The following DZIP1 variants were observed in gnomAD, a reference collection of about 807,000 sequenced individuals.
DZIP1 encodes DAZ interacting zinc finger protein 1, also known as cilium assembly protein DZIP1.
In DZIP1, 97 loss-of-function variants were observed where a neutral mutation model predicts 107.6. That is an observed-to-expected ratio of 0.90 (90% CI 0.77 to 1.07). The LOEUF is 1.07. Ranked by LOEUF, DZIP1 falls within the 50% of genes least tolerant of loss-of-function variation. The pLI is 0.00. For missense variants in DZIP1, 1,035 were observed against 1,063.6 expected, an observed-to-expected ratio of 0.97 and a Z score of 0.37; for synonymous variants, 390 against 386.4, an observed-to-expected ratio of 1.01 and a Z score of -0.11.
At chr13:95,623,465 A>G (rs572979651) in intron 8 of DZIP1, among the ~76,000 whole-genome samples, 1 of 152,348 alleles carries the variant, frequency 6.6e-6, no homozygotes, top group African/African-American at 2.4e-5. Context: ...GCAGATTCGT[A>G]ACACAAAGTC....
intron 16 of DZIP1, among the ~76,000 whole-genome samples, chr13:95,592,604 T>C (rs1162837790): frequency 1.3e-5 from 2 of 152,174 alleles, no homozygotes. Flanking sequence ...AACATATGCC[T>C]ACCCTTTGAC....
chr13:95,604,297 C>T (rs1025251755), intron 14 of DZIP1, among the ~76,000 whole-genome samples: 6 of 152,228 alleles, frequency 3.9e-5, no homozygotes, highest in Admixed American at 1.3e-4. Flanking sequence ...AGTGAACAGG[C>T]GAATAAACAT....
At chr13:95,625,111 C>G (rs184626367) in intron 7 of DZIP1, among the ~76,000 whole-genome samples, 182 bp from the exon 8 acceptor site, 83 of 152,324 alleles carry the variant, frequency 5.4e-4, no homozygotes, top group Non-Finnish European at 8.2e-4. Flanking sequence ...AAACTAAAGG[C>G]AGCACACAGA....
At chr13:95,613,033 G>A (rs1375121886) in intron 10 of DZIP1, among the ~76,000 whole-genome samples, 2 of 151,926 alleles carry the variant, frequency 1.3e-5, no homozygotes, top group African/African-American at 2.4e-5. Flanking sequence ...GGAAAGAAAG[G>A]GAGAGATGCA....
rs1015835089 is a variant in DZIP1 at position 95,626,716 on chromosome 13, T to C, written c.811-1787A>G. On this transcript the variant is annotated intron_variant, in intron 7 of 22. Transcript: ENST00000376829. ...AACATGCAAAAAGCAGCTATATTTC[T>C]ATATACCAGCAATGAACAATCCAAG... Among the ~76,000 whole-genome samples the C allele has an allele frequency of 2.0e-5, 3 of 152,228 alleles. No individual in the cohort carries two copies. In the East Asian group the frequency reaches 5.8e-4, roughly 29 times the overall value.
intron 16 of DZIP1, among the ~76,000 whole-genome samples, 193 bp from the exon 17 acceptor site, chr13:95,590,634 T>G (rs931701939): frequency 6.6e-6 from 1 of 152,208 alleles, no homozygotes; most frequent in Non-Finnish European, 1.5e-5. Context: ...ACATAAGGCA[T>G]GCATATGTTT....
chr13:95,599,519 G>T lies in DZIP1; in HGVS notation c.1478-95C>A, dbSNP rs575856184. ...TGATTTTGAAAGATATCATTCCATG[G>T]TATTTTAGTCATGCCTGAATAGCAA... On this transcript the variant is annotated intron_variant, in intron 14 of 22. Transcript: ENST00000376829. 1.1e-5 allele frequency: 12 copies of T among 1,138,236 alleles called. No individual in the cohort carries two copies. The South Asian group carries it at 1.4e-4, about 14-fold the overall frequency. 70.5% of individuals were successfully genotyped at this position (1,138,236 alleles called of 1,614,324 possible). A position where few individuals can be genotyped will look rare whatever the true frequency, so the allele number is the denominator to read the frequency against.
intron 21 of DZIP1, 106 bp downstream of exon 21, chr13:95,585,900 T>C (rs1227629155): frequency 8.5e-7 from 1 of 1,174,512 alleles, no homozygotes; most frequent in Admixed American, 2.9e-5. Flanking sequence ...CAACCTCTAC[T>C]CTACCAGCTA....
At chr13:95,631,135 C>A (rs768940040) in intron 6 of DZIP1, among the ~76,000 whole-genome samples, 2 of 152,058 alleles carry the variant, frequency 1.3e-5, no homozygotes, top group Non-Finnish European at 1.5e-5. Flanking sequence ...AAGCCAAGTA[C>A]CCACGTCTAG....
intron 6 of DZIP1, chr13:95,630,903 G>T (rs1877117917): frequency 2.5e-6 from 1 of 395,112 alleles, no homozygotes; most frequent in African/African-American, 2.2e-5. Flanking sequence ...GAGAAAGAAG[G>T]TCAGTTTCAC....
Position 95,612,164 on chromosome 13 carries a change from A to G in DZIP1, c.1187T>C (p.Ile396Thr), listed in dbSNP as rs1379967671. 6.2e-7 allele frequency: 1 copy of G among 1,611,102 alleles called. No homozygotes were observed. The highest frequency in any genetic ancestry group is 8.5e-7 in the Non-Finnish European group (1 of 1,179,792). ...KKEKGRLLSH[I>T]EKLRTSMIDD... is the part of the protein sequence containing the mutation. ...TATCATTGAGGTTCGAAGTTTCTCT[A>G]TATGTGACAGGAGCTGAAAAAAAGT... The change falls in exon 11 of 23, where the codon ATA becomes ACA. Residue 396 changes from isoleucine (I) to threonine (T), a missense_variant. Ile to Thr is a moderately conservative substitution (Grantham distance 89). Coordinates refer to ENST00000376829, the MANE Select transcript of DZIP1 (RefSeq NM_198968.4).
At position 95,582,011 on chromosome 13, in the gene DZIP1, C is replaced by T. The variant is rs749748057; in HGVS notation, c.*223G>A. ...ATGACATGTTATTTTTAAGCAGCAG[C>T]GGAAGTCTTAAACACCTTTACATGC... On this transcript the variant is annotated 3_prime_UTR_variant, in exon 23 of 23. Coordinates refer to ENST00000376829, the MANE Select transcript of DZIP1 (RefSeq NM_198968.4). 6 of 405,298 alleles carry T rather than the reference C, an allele frequency of 1.5e-5. No homozygotes were observed. The highest frequency in any genetic ancestry group is 6.1e-5 in the African/African-American group (3 of 49,018). The allele number at this position is 405,298 out of a possible 1,614,324, so 25.1% of individuals were successfully genotyped here. A position where few individuals can be genotyped will look rare whatever the true frequency, so the allele number is the denominator to read the frequency against.
At chr13:95,619,860 T>C (rs1205553143) in intron 10 of DZIP1, 25 bp downstream of exon 10, 1 of 1,612,226 alleles carries the variant, frequency 6.2e-7, no homozygotes, top group Admixed American at 1.7e-5. Context: ...TGGCCCACTT[T>C]AGGCCACTGG....
At position 95,641,923 on chromosome 13, in the gene DZIP1, G is replaced by C. The variant is rs765151097; in HGVS notation, c.37-68C>G. 8.5e-5 allele frequency: 126 copies of C among 1,480,288 alleles called. No homozygotes were observed. Among genetic ancestry groups the C allele is most frequent in the Non-Finnish European group, 1.1e-4 (120 of 1,123,152 alleles). The allele number at this position is 1,480,288 out of a possible 1,614,324, so 91.7% of individuals were successfully genotyped here. Reference sequence around the variant, plus strand: ...GGGGCGGGCAGGCTGGGGAGCTGGGGGTCCGGGGAAGCCCCGGTTCTCCCC... The same window carrying C: ...GGGGCGGGCAGGCTGGGGAGCTGGGCGTCCGGGGAAGCCCCGGTTCTCCCC... On this transcript the variant is annotated intron_variant, in intron 4 of 22. Coordinates refer to ENST00000376829, the MANE Select transcript of DZIP1 (RefSeq NM_198968.4). This position sits in a 1 kb window ranked among gnomAD's most constrained non-coding sequence, Gnocchi z 4.3.
intron 7 of DZIP1, among the ~76,000 whole-genome samples, chr13:95,628,868 G>C (rs574144757): frequency 6.8e-4 from 103 of 152,240 alleles, no homozygotes; most frequent in African/African-American, 1.9e-3. Flanking sequence ...CTGGAAGGAG[G>C]GGGGAGTGGA....
At chr13:95,622,204 G>T in intron 9 of DZIP1, 139 bp downstream of exon 9, 1 of 1,059,460 alleles carries the variant, frequency 9.4e-7, no homozygotes, top group Non-Finnish European at 1.4e-6. Flanking sequence ...TAGGCATGCT[G>T]TAGGAGAAAA....
rs755829409 is a variant in DZIP1 at position 95,579,140 on chromosome 13, C to T, written c.*3094G>A. 4 of 152,172 alleles carry T rather than the reference C, an allele frequency of 2.6e-5. No individual in the cohort carries two copies. The highest frequency in any genetic ancestry group is 4.8e-5 in the African/African-American group (2 of 41,430). 9.4% of individuals were successfully genotyped at this position (152,172 alleles called of 1,614,324 possible). On this transcript the variant is annotated 3_prime_UTR_variant, in exon 23 of 23. Transcript: ENST00000376829. ...AAATTCAAAAAATTGCAACCTCAGG[C>T]ATAAATGGGTTAAGGACATCCCAAG...
At chr13:95,582,402 G>T in intron 22 of DZIP1, 89 bp from the exon 23 acceptor site, 2 of 1,101,014 alleles carry the variant, frequency 1.8e-6, no homozygotes, top group South Asian at 1.3e-5. Context: ...ATTTCATATT[G>T]TCATTAATCA....
chr13:95,611,519 G>A, intron 11 of DZIP1, 26 bp from the exon 12 acceptor site: 1 of 1,569,230 alleles, frequency 6.4e-7, no homozygotes, highest in Non-Finnish European at 8.8e-7. Context: ...GTCTTCTAGT[G>A]ATACATTTGA....
Sources: gnomAD v4.1 joint callset for allele counts (sites outside exome capture counted in the v4.1 genomes callset) on GRCh38, gnomAD v4.1.1 for gene constraint, Gnocchi (gnomAD v3.1) non-coding constraint, MANE v1.5 for transcripts, NCBI Gene and HGNC (gene_info 2026-07-23, HGNC 2026-07-21) for gene names.